Variants in GRID2 observed in about 807,000 individuals in gnomAD.
GRID2 encodes glutamate receptor ionotropic, delta-2.
A neutral mutation model predicts 114.8 loss-of-function variants in GRID2; 33 were observed. The ratio of observed to expected loss-of-function variants is 0.29; its 90% CI spans 0.22 to 0.38. GRID2 has a LOEUF of 0.38. Among genes scored for constraint, GRID2 ranks in the 10% least tolerant of loss-of-function variants. The pLI, the probability that GRID2 is intolerant of heterozygous loss-of-function variation, is 1.00. For missense variants in GRID2, 1,184 were observed against 1,257.7 expected, an observed-to-expected ratio of 0.94 and a Z score of 0.89; for synonymous variants, 505 against 449.9, an observed-to-expected ratio of 1.12 and a Z score of -1.55.
rs545674209 is a variant in GRID2 at position 92,365,571 on chromosome 4, T to C, written c.88+60827T>C. Among the ~76,000 whole-genome samples, 48 of 152,098 alleles carry C rather than the reference T, an allele frequency of 3.2e-4. 1 individual carries two copies. Among genetic ancestry groups the C allele is most frequent in the Admixed American group, 1.8e-3 (28 of 15,234 alleles). On this transcript the variant is annotated intron_variant, in intron 1 of 15. Coordinates refer to ENST00000282020, the MANE Select transcript of GRID2 (RefSeq NM_001510.4). ...TCTCAGCTAGACAAGAAGAATAAAATTTGAAATCTATTCCACAACAATAGA... is the reference window on the plus strand; with the variant it reads ...TCTCAGCTAGACAAGAAGAATAAAACTTGAAATCTATTCCACAACAATAGA...
chr4:93,453,316 AAGAGAGAGAGAG>A (rs3044025), intron 10 of GRID2, among the ~76,000 whole-genome samples: 12,488 of 127,202 alleles, frequency 0.098, 608 homozygotes, highest in Middle Eastern at 0.19. Flanking sequence ...AGAGATGGGA[AAGAGAGAGAGAG>A]AGAGAGAGAG....
chr4:92,744,798 A>G lies in GRID2; in HGVS notation c.244+154512A>G, dbSNP rs74789651. ...CCTACTCATTATGTTCTACTGTATAATGTTTTGTAAATCGTTATTTATCTC... is the reference window on the plus strand; with the variant it reads ...CCTACTCATTATGTTCTACTGTATAGTGTTTTGTAAATCGTTATTTATCTC... On this transcript the variant is annotated intron_variant, in intron 2 of 15. Transcript: ENST00000282020. Among the ~76,000 whole-genome samples, 516 of 152,258 alleles carry G rather than the reference A, an allele frequency of 3.4e-3. 16 individuals carry two copies. In the East Asian group the frequency reaches 0.054, roughly 16 times the overall value.
intron 14 of GRID2, among the ~76,000 whole-genome samples, chr4:93,644,360 T>C (rs551118446): frequency 6.9e-6 from 1 of 145,152 alleles, no homozygotes; most frequent in Non-Finnish European, 1.6e-5. Context: ...ATCTTAATGA[T>C]ATTTTTACCA....
At chr4:93,672,223 C>G (rs929697410) in intron 14 of GRID2, among the ~76,000 whole-genome samples, 1 of 152,194 alleles carries the variant, frequency 6.6e-6, no homozygotes, top group Non-Finnish European at 1.5e-5. Context: ...ACTCCCCTGA[C>G]CCCATTTTCT....
intron 14 of GRID2, among the ~76,000 whole-genome samples, chr4:93,741,815 T>C (rs2110256518): frequency 6.6e-6 from 1 of 151,882 alleles, no homozygotes; most frequent in Non-Finnish European, 1.5e-5. Context: ...TCCCAGCTAC[T>C]TGGGAGGCTG....
intron 10 of GRID2, among the ~76,000 whole-genome samples, chr4:93,437,999 CCTT>C (rs1214410671): frequency 6.6e-6 from 1 of 151,968 alleles, no homozygotes; most frequent in Non-Finnish European, 1.5e-5. Context: ...GAGAGAGAGA[CCTT>C]CTTTTTGCAT....
At chr4:93,386,612 C>T (rs1764338576) in intron 8 of GRID2, among the ~76,000 whole-genome samples, 1 of 152,116 alleles carries the variant, frequency 6.6e-6, no homozygotes, top group Non-Finnish European at 1.5e-5. Context: ...ACCTGTGTTT[C>T]ATTTTCCCTA....
intron 1 of GRID2, among the ~76,000 whole-genome samples, chr4:92,450,428 A>T (rs1318010530): frequency 6.6e-6 from 1 of 152,082 alleles, no homozygotes; most frequent in African/African-American, 2.4e-5. Flanking sequence ...GAACAGTAAA[A>T]ATCAATGAAG....
At chr4:93,286,694 G>GT (rs1561087012) in intron 8 of GRID2, among the ~76,000 whole-genome samples, 77 of 148,278 alleles carry the variant, frequency 5.2e-4, no homozygotes, top group Middle Eastern at 3.4e-3. Context: ...TGTGTGTGGG[G>GT]GTGTGTGTGT....
intron 1 of GRID2, among the ~76,000 whole-genome samples, chr4:92,578,972 T>G (rs1728043956): frequency 1.3e-5 from 2 of 152,272 alleles, no homozygotes; most frequent in Admixed American, 6.5e-5. Context: ...GCTTTATAGC[T>G]TATGTTAAAG....
At chr4:92,569,179 G>T (rs570273387) in intron 1 of GRID2, among the ~76,000 whole-genome samples, 1 of 151,848 alleles carries the variant, frequency 6.6e-6, no homozygotes, top group African/African-American at 2.4e-5. Context: ...GTGTCCATGT[G>T]TTCTTATCAT....
At chr4:93,201,229 TGTG>T (rs1742075661) in intron 4 of GRID2, among the ~76,000 whole-genome samples, 2 of 152,342 alleles carry the variant, frequency 1.3e-5, no homozygotes, top group African/African-American at 4.8e-5. Context: ...TGAGGAATAA[TGTG>T]GTAATAGCAT....
intron 1 of GRID2, among the ~76,000 whole-genome samples, chr4:92,503,535 T>A (rs555730395): frequency 6.6e-6 from 1 of 152,258 alleles, no homozygotes; most frequent in South Asian, 2.1e-4. Context: ...TGTGATAATT[T>A]GATAATGTAT....
At chr4:93,447,281 C>T (rs1722177870) in intron 10 of GRID2, among the ~76,000 whole-genome samples, 1 of 151,876 alleles carries the variant, frequency 6.6e-6, no homozygotes, top group African/African-American at 2.4e-5. Context: ...ATGAATCAAG[C>T]CTTCAACTCA....
At chr4:92,728,497 G>T (rs957725358) in intron 2 of GRID2, among the ~76,000 whole-genome samples, 18 of 152,128 alleles carry the variant, frequency 1.2e-4, no homozygotes, top group Admixed American at 2.6e-4. Flanking sequence ...CTTCCATGGG[G>T]CTGTCTCAGA....
intron 2 of GRID2, among the ~76,000 whole-genome samples, chr4:92,945,856 C>G (rs1284839802): frequency 6.6e-6 from 1 of 152,076 alleles, no homozygotes; most frequent in Non-Finnish European, 1.5e-5. Flanking sequence ...TCCCAACCCT[C>G]TAAGTGTATT....
chr4:93,756,214 T>C (rs186629813), intron 14 of GRID2, among the ~76,000 whole-genome samples: 1 of 152,266 alleles, frequency 6.6e-6, no homozygotes, highest in Admixed American at 6.5e-5. Context: ...ACTCCAGATA[T>C]GATTCAGAGG....
chr4:93,282,698 G>C (rs1221840919), intron 8 of GRID2, among the ~76,000 whole-genome samples: 1 of 151,962 alleles, frequency 6.6e-6, no homozygotes, highest in African/African-American at 2.4e-5. Context: ...ACTACCCTGT[G>C]TTAATCTGTT....
At chr4:92,551,286 G>GTA (rs1401164296) in intron 1 of GRID2, among the ~76,000 whole-genome samples, 1 of 149,994 alleles carries the variant, frequency 6.7e-6, no homozygotes, top group Non-Finnish European at 1.5e-5. Context: ...GTGTGTGTGT[G>GTA]TGTACACGCA....
Sources: allele counts gnomAD v4.1 joint callset (sites outside exome capture counted in the v4.1 genomes callset), GRCh38; gene constraint gnomAD v4.1.1; transcripts MANE v1.5; gene names NCBI Gene and HGNC (gene_info 2026-07-23, HGNC 2026-07-21).